The following RRBP1 variants were observed in gnomAD, a reference collection of about 807,000 sequenced individuals.
The protein encoded by RRBP1 is ribosome binding protein 1.
Under a neutral mutation model 165.2 loss-of-function variants are expected in RRBP1, and 94 were observed. The ratio of observed to expected loss-of-function variants is 0.57; its 90% CI spans 0.48 to 0.68. The LOEUF (loss-of-function observed/expected upper bound fraction) is 0.68, where lower values mean the gene tolerates loss of function less well. Among genes scored for constraint, RRBP1 ranks in the 30% least tolerant of loss-of-function variants. The pLI is 0.00. For missense variants in RRBP1, 1,676 were observed against 1,763.0 expected (o/e 0.95, Z 0.88); for synonymous variants, 680 against 714.5 (o/e 0.95, Z 0.77).
chr20:17,660,713 C>T (rs763894426), intron 2 of RRBP1, among the ~76,000 whole-genome samples, 185 bp from the exon 3 acceptor site: 6 of 152,112 alleles, frequency 3.9e-5, no homozygotes, highest in Non-Finnish European at 7.4e-5. Context: ...TAGGAGTGAG[C>T]GATTCGTACC....
intron 7 of RRBP1, 151 bp downstream of exon 7, chr20:17,635,395 A>G: frequency 1.6e-6 from 1 of 618,196 alleles, no homozygotes; most frequent in East Asian, 3.0e-5. Flanking sequence ...GGGGCCCAGA[A>G]CCCAGACGGG....
chr20:17,657,856 A>C (rs2036673376), intron 3 of RRBP1, among the ~76,000 whole-genome samples: 2 of 152,194 alleles, frequency 1.3e-5, no homozygotes, highest in African/African-American at 4.8e-5. Context: ...GCAGAAGAGG[A>C]AAGAATGCAA....
chr20:17,627,471 T>C (rs2036049850), intron 10 of RRBP1, 33 bp downstream of exon 10: 3 of 1,605,818 alleles, frequency 1.9e-6, no homozygotes, highest in Non-Finnish European at 2.6e-6. Context: ...TGGAGTTCCC[T>C]TTCCTCCCCG....
intron 1 of RRBP1, among the ~76,000 whole-genome samples, chr20:17,680,944 T>C (rs753145486): frequency 1.3e-5 from 2 of 151,968 alleles, no homozygotes; most frequent in African/African-American, 2.4e-5. Flanking sequence ...CGAAACAACT[T>C]GGTCGGGGTC....
rs147451912 is a variant in RRBP1, at chr20:17,620,366, C to G, written c.3512G>C (p.Arg1171Pro). ...GAAEEELQKS[R>P]VTVKHLEEIV... ...CTCTTCGAGATGCTTCACTGTGACCCGGGACTACAAAGCAAGGGGAAGGCT... is the reference window on the plus strand; with the variant it reads ...CTCTTCGAGATGCTTCACTGTGACCGGGGACTACAAAGCAAGGGGAAGGCT... Residue 1171 changes from arginine (R) to proline (P), a missense_variant, in exon 18 of 25, where the codon CGG becomes CCG. By Grantham distance (103) the Arg-to-Pro change is moderately radical. Coordinates refer to ENST00000377813, the MANE Select transcript of RRBP1 (RefSeq NM_001365613.2). 1.2e-6 allele frequency: 2 copies of G among 1,613,470 alleles called. No homozygotes were observed. The highest frequency in any genetic ancestry group is 1.7e-6 in the Non-Finnish European group (2 of 1,179,770).
intron 2 of RRBP1, among the ~76,000 whole-genome samples, chr20:17,669,355 C>T (rs1013687439): frequency 1.3e-5 from 2 of 152,166 alleles, no homozygotes; most frequent in Non-Finnish European, 2.9e-5. Context: ...CGGGCTTCAC[C>T]TTATTGAGGA....
intron 3 of RRBP1, 101 bp downstream of exon 3, chr20:17,658,495 T>C (rs998308642): frequency 2.0e-5 from 20 of 1,020,022 alleles, no homozygotes; most frequent in Non-Finnish European, 2.9e-5. Context: ...AGCCTTATTA[T>C]GACAATAGCT....
rs191271854 is a variant in RRBP1, at chr20:17,669,664, G to A, written c.-21-9136C>T. Among the ~76,000 whole-genome samples the A allele has an allele frequency of 2.0e-5, 3 of 152,214 alleles. No homozygotes were observed. The East Asian group carries it at 5.8e-4, about 29-fold the overall frequency. On this transcript the variant is annotated intron_variant, in intron 2 of 24. Transcript: ENST00000377813. ...CCAGATGGGAAATAATACACACCAT[G>A]GAGTCTTACACGTTTTCAGAGTTAC...
At chr20:17,625,696 G>A (rs376038584) in intron 11 of RRBP1, 94 bp from the exon 12 acceptor site, 8 of 1,043,704 alleles carry the variant, frequency 7.7e-6, no homozygotes, top group African/African-American at 4.7e-5. Flanking sequence ...GAGTACCTTC[G>A]AGGCTGAACC....
At chr20:17,614,946 C>T (rs751323258) in intron 23 of RRBP1, 66 bp from the exon 24 acceptor site, 9 of 1,565,946 alleles carry the variant, frequency 5.7e-6, no homozygotes, top group Non-Finnish European at 7.8e-6. Flanking sequence ...CAGCTATGCC[C>T]ACAGGACCCT....
intron 3 of RRBP1, among the ~76,000 whole-genome samples, chr20:17,651,628 G>C (rs2036560172): frequency 6.6e-6 from 1 of 152,194 alleles, no homozygotes; most frequent in Non-Finnish European, 1.5e-5. Context: ...CCCATGTGAA[G>C]AGCACAATGA....
intron 18 of RRBP1, among the ~76,000 whole-genome samples, chr20:17,620,084 C>G (rs1168360233): frequency 6.6e-6 from 1 of 152,138 alleles, no homozygotes; most frequent in East Asian, 1.9e-4. Flanking sequence ...CAGGTCTGCA[C>G]AGGGCCCGTG....
chr20:17,629,436 G>A (rs2036102358), intron 9 of RRBP1, among the ~76,000 whole-genome samples: 1 of 152,196 alleles, frequency 6.6e-6, no homozygotes, highest in Non-Finnish European at 1.5e-5. Flanking sequence ...ATTTAGCTGA[G>A]ACGCCTCAGG....
intron 3 of RRBP1, among the ~76,000 whole-genome samples, chr20:17,646,822 T>C (rs995572731): frequency 1.3e-5 from 2 of 152,152 alleles, no homozygotes; most frequent in African/African-American, 4.8e-5. Flanking sequence ...TTTCTCTCTG[T>C]ATAATTTCCA....
At chr20:17,614,614 G>T (rs2035755857) in intron 24 of RRBP1, 123 bp downstream of exon 24, 1 of 1,269,004 alleles carries the variant, frequency 7.9e-7, no homozygotes, top group Non-Finnish European at 1.1e-6. Context: ...CTCCCCTGGG[G>T]CTCCCAGCCC....
chr20:17,636,837 A>G, intron 5 of RRBP1, 108 bp from the exon 6 acceptor site: 5 of 1,368,318 alleles, frequency 3.7e-6, no homozygotes, highest in Non-Finnish European at 4.0e-6. Flanking sequence ...AGCAGAGCAC[A>G]GACCCCTCCT....
intron 3 of RRBP1, among the ~76,000 whole-genome samples, chr20:17,656,995 A>G (rs1272001458): frequency 6.6e-6 from 1 of 152,150 alleles, no homozygotes; most frequent in Non-Finnish European, 1.5e-5. Context: ...TTCCTTTCCA[A>G]TATTATCATC....
In RRBP1 at chr20:17,616,831, C is replaced by A. The variant is rs2035810805; in HGVS notation, c.3768G>T (p.Gln1256His). Residue 1256 changes from glutamine to histidine, a missense_variant, in exon 21 of 25, where the codon CAG (glutamine) becomes CAT (histidine). Transcript: ENST00000377813. ...KQSDELALVR[Q>H]QLSEMKSHVE... is the part of the protein sequence containing the mutation. ...CGTGGCTCTTCATTTCACTCAACTG[C>A]TGCCTGACCTGGAACAGGAAGGGGT... is the stretch of plus-strand genomic sequence containing the variant. 13 of 1,612,596 alleles carry A rather than the reference C, an allele frequency of 8.1e-6. No individual in the cohort carries two copies. Among genetic ancestry groups the A allele is most frequent in the Non-Finnish European group, 1.0e-5 (12 of 1,179,084 alleles).
At chr20:17,665,318 AT>A (rs1036541958) in intron 2 of RRBP1, among the ~76,000 whole-genome samples, 4 of 152,146 alleles carry the variant, frequency 2.6e-5, no homozygotes, top group Non-Finnish European at 5.9e-5. Flanking sequence ...ATTTGGTAAC[AT>A]TTTTTGACTA....
Sources: allele counts gnomAD v4.1 joint callset (sites outside exome capture counted in the v4.1 genomes callset), GRCh38; gene constraint gnomAD v4.1.1; transcripts MANE v1.5; gene names NCBI Gene and HGNC (gene_info 2026-07-23, HGNC 2026-07-21).